The following DIAPH2 variants were observed in gnomAD, a reference collection of about 807,000 sequenced individuals.
The protein encoded by DIAPH2 is diaphanous related formin 2.
Under a neutral mutation model 92.7 loss-of-function variants are expected in DIAPH2, and 35 were observed. The ratio of observed to expected loss-of-function variants is 0.38; its 90% CI spans 0.29 to 0.50. The LOEUF is 0.50. Among genes scored for constraint, DIAPH2 ranks in the 20% least tolerant of loss-of-function variants. DIAPH2 has a pLI of 0.94. For missense variants in DIAPH2, 701 were observed against 819.5 expected (o/e 0.86, Z 1.77); for synonymous variants, 301 against 280.4 (o/e 1.07, Z -0.73).
rs2065333196 is a variant in DIAPH2, at chrX:96,894,967, T to A, written c.587+13249T>A. On this transcript the variant is annotated intron_variant, in intron 5 of 26. Transcript: ENST00000324765. Reference sequence around the variant, plus strand: ...AAAAAATCGCATATACAGATTAGTTTTTCTTAATTTTTTTTTTTTTTTTTT... The same window carrying A: ...AAAAAATCGCATATACAGATTAGTTATTCTTAATTTTTTTTTTTTTTTTTT... Among the ~76,000 whole-genome samples the A allele has an allele frequency of 4.0e-5, 4 of 100,926 alleles. No homozygotes were observed. In the Admixed American group the frequency reaches 4.6e-4, roughly 12 times the overall value. 87.6% of individuals were successfully genotyped at this position (100,926 alleles called of 115,157 possible). A position where few individuals can be genotyped will look rare whatever the true frequency, so the allele number is the denominator to read the frequency against.
intron 22 of DIAPH2, among the ~76,000 whole-genome samples, chrX:97,190,833 CAAAAAAAA>C (rs34703572): frequency 1.1e-4 from 8 of 72,851 alleles, no homozygotes; most frequent in East Asian, 4.5e-4. Context: ...GACTCCATTT[CAAAAAAAA>C]AAAAAAAAAA....
chrX:96,935,676 T>A (rs1479217697), intron 10 of DIAPH2, among the ~76,000 whole-genome samples: 3 of 111,657 alleles, frequency 2.7e-5, no homozygotes, highest in Non-Finnish European at 3.8e-5. Context: ...CTATGTATAT[T>A]GTATAAATAA....
chrX:97,498,132 T>A (rs1214344392), intron 26 of DIAPH2, among the ~76,000 whole-genome samples: 2 of 111,418 alleles, frequency 1.8e-5, no homozygotes. Context: ...AGTTGTAACT[T>A]ACTAATCCTT....
At chrX:96,820,236 G>A (rs751398657) in intron 4 of DIAPH2, among the ~76,000 whole-genome samples, 21 of 112,382 alleles carry the variant, frequency 1.9e-4, no homozygotes, top group Non-Finnish European at 2.8e-4. Context: ...TTGGGAGGCC[G>A]AGGCAGGCGG....
At chrX:97,256,194 G>A (rs1402534515) in intron 23 of DIAPH2, among the ~76,000 whole-genome samples, 3 of 112,530 alleles carry the variant, frequency 2.7e-5, no homozygotes, top group African/African-American at 3.2e-5. Flanking sequence ...CAAAAAAGAA[G>A]CTTGAAAGAA....
At chrX:97,386,367 CAGT>C (rs888817408) in intron 25 of DIAPH2, among the ~76,000 whole-genome samples, 1 of 111,612 alleles carries the variant, frequency 9.0e-6, no homozygotes, top group African/African-American at 3.3e-5. Flanking sequence ...GTGAAGAAGT[CAGT>C]AGAAAAGTTC....
At chrX:96,994,033 T>G (rs981907483) in intron 17 of DIAPH2, among the ~76,000 whole-genome samples, 3 of 111,700 alleles carry the variant, frequency 2.7e-5, no homozygotes, top group Non-Finnish European at 5.6e-5. Flanking sequence ...TACTGTAACC[T>G]ATGGGTAACC....
chrX:97,567,922 G>A (rs1022716687), intron 26 of DIAPH2, among the ~76,000 whole-genome samples: 7 of 108,327 alleles, frequency 6.5e-5, no homozygotes, highest in South Asian at 4.1e-4. Context: ...CGAGACAAGC[G>A]TGACCAACAT....
chrX:96,981,384 A>T (rs1054001416), intron 17 of DIAPH2, among the ~76,000 whole-genome samples: 12 of 111,484 alleles, frequency 1.1e-4, no homozygotes, highest in African/African-American at 3.3e-4. Flanking sequence ...TAAAATTTTT[A>T]ATTTCTTTTT....
intron 26 of DIAPH2, among the ~76,000 whole-genome samples, chrX:97,445,647 C>T (rs1364950915): frequency 1.7e-4 from 18 of 107,358 alleles, no homozygotes; most frequent in Non-Finnish European, 3.5e-4. Context: ...GGAGTTTCAC[C>T]CTGTTGGCCA....
At chrX:97,210,882 G>A (rs2067834414) in intron 22 of DIAPH2, among the ~76,000 whole-genome samples, 1 of 111,835 alleles carries the variant, frequency 8.9e-6, no homozygotes, top group African/African-American at 3.2e-5. Flanking sequence ...ACTTTGATGA[G>A]GCCAGGAGCT....
At chrX:96,967,255 A>G (rs1379896403) in intron 17 of DIAPH2, among the ~76,000 whole-genome samples, 1 of 111,357 alleles carries the variant, frequency 9.0e-6, no homozygotes, top group Admixed American at 9.6e-5. Context: ...AAGAATACCC[A>G]GTATTTAGCT....
At chrX:96,932,082 C>T (rs2065623278) in intron 10 of DIAPH2, among the ~76,000 whole-genome samples, 1 of 110,115 alleles carries the variant, frequency 9.1e-6, no homozygotes, top group Non-Finnish European at 1.9e-5. Flanking sequence ...AAGCCTGTAG[C>T]CTTGGATAGC....
chrX:96,908,826 C>G (rs1197499423), intron 5 of DIAPH2, among the ~76,000 whole-genome samples: 1 of 111,644 alleles, frequency 9.0e-6, no homozygotes, highest in African/African-American at 3.3e-5. Flanking sequence ...GTCTCGATCT[C>G]CTGACCTCGT....
intron 17 of DIAPH2, among the ~76,000 whole-genome samples, chrX:97,012,977 C>T (rs779617062): frequency 2.8e-4 from 31 of 112,118 alleles, no homozygotes; most frequent in African/African-American, 8.1e-4. Flanking sequence ...TTGCATATCC[C>T]ACCTCTCAAA....
At chrX:97,084,238 T>C (rs2066767772) in intron 19 of DIAPH2, among the ~76,000 whole-genome samples, 1 of 111,393 alleles carries the variant, frequency 9.0e-6, no homozygotes. Context: ...GAAAGTTACC[T>C]AACCTCTCTG....
At chrX:97,312,345 CTTTTTTTT>C (rs56309139) in intron 23 of DIAPH2, among the ~76,000 whole-genome samples, 129 of 54,917 alleles carry the variant, frequency 2.3e-3, no homozygotes, top group Non-Finnish European at 3.8e-3. Context: ...CAATAGAATC[CTTTTTTTT>C]TTTTTTTTTT....
Position 97,108,907 on chromosome X carries a change from T to G in DIAPH2, c.2350-5819T>G, listed in dbSNP as rs947551236. Among the ~76,000 whole-genome samples, 4 of 111,511 alleles carry G rather than the reference T, an allele frequency of 3.6e-5. No homozygotes were observed. The Admixed American group carries it at 3.8e-4, about 11-fold the overall frequency. ...TGGGGGAAAAGATAAGGACCCCGGT[T>G]TCTTCATACTGACAATTTCTGAAGA... On this transcript the variant is annotated intron_variant, in intron 20 of 26. Transcript: ENST00000324765.
chrX:97,444,967 T>G (rs1246274054), intron 26 of DIAPH2, among the ~76,000 whole-genome samples: 1 of 111,180 alleles, frequency 9.0e-6, no homozygotes, highest in Non-Finnish European at 1.9e-5. Flanking sequence ...TATAATAAAT[T>G]AGTGAGTAAT....
Sources: allele counts gnomAD v4.1 joint callset (sites outside exome capture counted in the v4.1 genomes callset), GRCh38; gene constraint gnomAD v4.1.1; transcripts MANE v1.5; gene names NCBI Gene and HGNC (gene_info 2026-07-23, HGNC 2026-07-21).